Variants in ADGRV1 observed in about 807,000 individuals in gnomAD.
ADGRV1 encodes adhesion G protein-coupled receptor V1, also known as G-protein coupled receptor 98.
Under a neutral mutation model 596.2 loss-of-function variants are expected in ADGRV1, and 359 were observed. The observed-to-expected ratio is 0.60, with a 90% CI of 0.55 to 0.66. The LOEUF (loss-of-function observed/expected upper bound fraction) is 0.66, where lower values mean the gene tolerates loss of function less well. Ranked by LOEUF, ADGRV1 falls within the 30% of genes least tolerant of loss-of-function variation. The probability of loss-of-function intolerance (pLI) is 0.00; values close to 1 mark genes in which losing one functional copy is unlikely to be tolerated. For synonymous variants in ADGRV1, 2,681 were observed against 2,679.2 expected, an observed-to-expected ratio of 1.00 and a Z score of -0.02; for missense variants, 7,274 against 7,575.6, an observed-to-expected ratio of 0.96 and a Z score of 1.48.
At chr5:91,134,568 A>G (rs560154260) in intron 87 of ADGRV1, among the ~76,000 whole-genome samples, 34 of 152,296 alleles carry the variant, frequency 2.2e-4, no homozygotes, top group African/African-American at 7.9e-4. Context: ...TCCTTTTGCC[A>G]TGGGGAGGAA....
intron 83 of ADGRV1, among the ~76,000 whole-genome samples, chr5:90,954,133 CT>C: frequency 6.7e-6 from 1 of 148,166 alleles, no homozygotes; most frequent in East Asian, 2.0e-4. Flanking sequence ...CATGTAAAAC[CT>C]TGTGTAAAAT....
At chr5:91,087,222 T>C (rs181352388) in intron 86 of ADGRV1, among the ~76,000 whole-genome samples, 1 of 152,198 alleles carries the variant, frequency 6.6e-6, no homozygotes, top group Non-Finnish European at 1.5e-5. Context: ...ATAATACTTA[T>C]CTCCTACCTT....
chr5:90,895,193 A>G (rs1332446081), intron 83 of ADGRV1, among the ~76,000 whole-genome samples: 2 of 152,050 alleles, frequency 1.3e-5, no homozygotes, highest in Non-Finnish European at 2.9e-5. Context: ...CTGAGTTTCT[A>G]ATATGGGCCA....
chr5:90,766,012 C>T (rs1228344678), intron 59 of ADGRV1, among the ~76,000 whole-genome samples: 1 of 152,064 alleles, frequency 6.6e-6, no homozygotes, highest in Non-Finnish European at 1.5e-5. Context: ...CGGGTTTACG[C>T]CATTCTCCTG....
rs375541132 is a variant in ADGRV1 at position 90,653,801 on chromosome 5, C to T, written c.4227C>T (p.Tyr1409=). ...AAACCTTGGGTTCCAATGCTACATA[C>T]ATTGCCAAGACAACAGTCATGAAAT... is the stretch of plus-strand genomic sequence containing the variant. ...HYKTLGSNAT[Y]IAKTTVMKYL... is the part of the protein sequence containing the mutation. Residue 1409 remains tyrosine (Y), a synonymous_variant, in exon 20 of 90, where the codon TAC becomes TAT. Coordinates refer to ENST00000405460, the MANE Select transcript of ADGRV1 (RefSeq NM_032119.4). 13 of 1,613,368 alleles carry T rather than the reference C, an allele frequency of 8.1e-6. No homozygotes were observed. The African/African-American group carries it at 1.5e-4, about 18-fold the overall frequency.
At chr5:91,072,066 A>C (rs529912922) in intron 85 of ADGRV1, among the ~76,000 whole-genome samples, 1 of 152,116 alleles carries the variant, frequency 6.6e-6, no homozygotes, top group Non-Finnish European at 1.5e-5. Context: ...GTGGTGCTGG[A>C]TTTAATAGCC....
rs1317115059 is a variant in ADGRV1 at position 90,781,568 on chromosome 5, T to TG, written c.13222dup (p.Ala4408GlyfsTer28). On this transcript the variant is annotated frameshift_variant, in exon 65 of 90. Coordinates refer to ENST00000405460, the MANE Select transcript of ADGRV1 (RefSeq NM_032119.4). LOFTEE classifies it high-confidence loss of function. Reference sequence around the variant, plus strand: ...TCATTGAATTTGACCCAAAGTATACTGCCTTCGAAGGTAGGTTCAGTCAGC... The same window carrying TG: ...TCATTGAATTTGACCCAAAGTATACTGGCCTTCGAAGGTAGGTTCAGTCAGC... The TG allele has an allele frequency of 1.9e-6, 3 of 1,603,508 alleles. No individual in the cohort carries two copies. The highest frequency in any genetic ancestry group is 1.7e-6 in the Non-Finnish European group (2 of 1,173,128).
intron 83 of ADGRV1, among the ~76,000 whole-genome samples, chr5:90,925,412 T>G (rs1774329022): frequency 6.6e-6 from 1 of 152,104 alleles, no homozygotes; most frequent in African/African-American, 2.4e-5. Flanking sequence ...GGGAGTTCAC[T>G]CATGATTTGG....
chr5:90,891,351 A>C (rs1770805596), intron 83 of ADGRV1, among the ~76,000 whole-genome samples: 1 of 151,422 alleles, frequency 6.6e-6, no homozygotes, highest in South Asian at 2.1e-4. Context: ...GGTAATATCG[A>C]AATAGCTTTT....
At chr5:91,037,317 T>G (rs1784992949) in intron 85 of ADGRV1, among the ~76,000 whole-genome samples, 1 of 152,154 alleles carries the variant, frequency 6.6e-6, no homozygotes, top group Admixed American at 6.6e-5. Flanking sequence ...GGAAAGCAAC[T>G]GTGTCTGTCC....
At chr5:91,085,165 A>C (rs1789752049) in intron 86 of ADGRV1, among the ~76,000 whole-genome samples, 1 of 152,224 alleles carries the variant, frequency 6.6e-6, no homozygotes, top group African/African-American at 2.4e-5. Flanking sequence ...CCAACATGGC[A>C]CATGTATACC....
At chr5:91,148,136 C>T (rs115121907) in intron 87 of ADGRV1, among the ~76,000 whole-genome samples, 1,917 of 152,212 alleles carry the variant, frequency 0.013, 37 homozygotes, top group African/African-American at 0.043. Flanking sequence ...AAAGCATAAA[C>T]GTTTGGAAAA....
intron 77 of ADGRV1, among the ~76,000 whole-genome samples, chr5:90,834,940 CT>C (rs1331699134): frequency 7.8e-6 from 1 of 127,550 alleles, no homozygotes; most frequent in Non-Finnish European, 1.7e-5. Flanking sequence ...TTCTTTCTTT[CT>C]TTTTCTTTCT....
Position 91,016,026 on chromosome 5 carries a change from C to T in ADGRV1, c.18152+30504C>T, listed in dbSNP as rs531319517. ...TAACAGTCTTTCTCTATTTAGTGCTCCTTTCAAGATCTCTTGTAAGGCAGG... is the reference window on the plus strand; with the variant it reads ...TAACAGTCTTTCTCTATTTAGTGCTTCTTTCAAGATCTCTTGTAAGGCAGG... On this transcript the variant is annotated intron_variant, in intron 85 of 89. Transcript: ENST00000405460. 2.0e-5 allele frequency among the ~76,000 whole-genome samples: 3 copies of T among 151,968 alleles called. No homozygotes were observed. The East Asian group carries it at 5.8e-4, about 29-fold the overall frequency.
intron 51 of ADGRV1, 54 bp downstream of exon 51, chr5:90,745,319 A>G (rs1198038668): frequency 3.6e-6 from 4 of 1,114,568 alleles, no homozygotes; most frequent in Non-Finnish European, 5.1e-6. Flanking sequence ...ATTTTGTATG[A>G]CAGCTCATTT....
intron 83 of ADGRV1, among the ~76,000 whole-genome samples, chr5:90,937,850 G>C (rs10514340): frequency 0.17 from 25,376 of 152,054 alleles, 2,591 homozygotes; most frequent in African/African-American, 0.3. Flanking sequence ...TGAATTCATT[G>C]TTTTTATTGA....
intron 84 of ADGRV1, among the ~76,000 whole-genome samples, chr5:90,968,149 G>A (rs1778644309): frequency 6.6e-6 from 1 of 152,126 alleles, no homozygotes. Flanking sequence ...GGAAAGGGTG[G>A]ACTATGTAGC....
intron 85 of ADGRV1, among the ~76,000 whole-genome samples, chr5:91,044,678 A>C (rs1004203532): frequency 1.1e-4 from 17 of 152,202 alleles, no homozygotes; most frequent in Non-Finnish European, 2.1e-4. Flanking sequence ...TTATTTCAAT[A>C]ATGTCAAACA....
intron 86 of ADGRV1, among the ~76,000 whole-genome samples, chr5:91,094,049 G>A (rs1340099095): frequency 6.6e-6 from 1 of 151,628 alleles, no homozygotes; most frequent in Non-Finnish European, 1.5e-5. Context: ...ATGGGGTTTC[G>A]CCATGTTCGC....
Sources: allele counts gnomAD v4.1 joint callset (sites outside exome capture counted in the v4.1 genomes callset), GRCh38; gene constraint gnomAD v4.1.1; transcripts MANE v1.5; gene names NCBI Gene and HGNC (gene_info 2026-07-23, HGNC 2026-07-21).